The following KLRG2 variants were observed in gnomAD, a reference collection of about 807,000 sequenced individuals.
KLRG2 encodes killer cell lectin like receptor G2, also known as killer cell lectin-like receptor subfamily G member 2.
A neutral mutation model predicts 35.4 loss-of-function variants in KLRG2; 39 were observed. That is an observed-to-expected ratio of 1.10 (90% CI 0.85 to 1.44). KLRG2 has a LOEUF of 1.44. KLRG2 is among the 40% of genes most tolerant of loss of function. The probability of loss-of-function intolerance (pLI) is 0.00; values close to 1 mark genes in which losing one functional copy is unlikely to be tolerated. For synonymous variants in KLRG2, 283 were observed against 265.8 expected (o/e 1.06, Z -0.63); for missense variants, 632 against 570.9 (o/e 1.11, Z -1.09).
intron 3 of KLRG2, among the ~76,000 whole-genome samples, chr7:139,464,305 C>T (rs1411951025): frequency 6.6e-6 from 1 of 152,160 alleles, no homozygotes; most frequent in African/African-American, 2.4e-5. Context: ...GCTTTAGAAG[C>T]CTGTTATTAC....
intron 1 of KLRG2, among the ~76,000 whole-genome samples, chr7:139,482,287 T>G (rs1168656210): frequency 6.6e-6 from 1 of 152,204 alleles, no homozygotes; most frequent in African/African-American, 2.4e-5. Context: ...TGACTTCCCC[T>G]CATCTGGAGT....
chr7:139,459,854 C>T (rs576195974), intron 3 of KLRG2, among the ~76,000 whole-genome samples: 2 of 152,004 alleles, frequency 1.3e-5, no homozygotes, highest in African/African-American at 4.8e-5. Flanking sequence ...CAGGTTCAAG[C>T]GATTCTCCTG....
intron 1 of KLRG2, among the ~76,000 whole-genome samples, chr7:139,482,071 C>T (rs1022908901): frequency 1.2e-4 from 18 of 152,194 alleles, no homozygotes; most frequent in African/African-American, 2.4e-4. Flanking sequence ...GCTCCCCCTC[C>T]CCCACACCAC....
intron 3 of KLRG2, among the ~76,000 whole-genome samples, chr7:139,474,658 G>A (rs996151661): frequency 6.6e-6 from 1 of 152,158 alleles, no homozygotes; most frequent in South Asian, 2.1e-4. Flanking sequence ...CTACTTGGGA[G>A]GCTGAGGCAG....
the KLRG2 span, among the ~76,000 whole-genome samples, chr7:139,430,248 C>A: frequency 6.6e-6 from 1 of 151,766 alleles, no homozygotes; most frequent in Admixed American, 6.6e-5. Flanking sequence ...ACTAAAAATA[C>A]AAAATTAGCC....
chr7:139,438,920 TCC>T, the KLRG2 span, among the ~76,000 whole-genome samples: 103 of 63,102 alleles, frequency 1.6e-3, no homozygotes, highest in African/African-American at 4.5e-3. Context: ...GATGATCCCC[TCC>T]CCCCCCCCAC....
At chr7:139,457,306 A>G (rs2116431864) in intron 3 of KLRG2, among the ~76,000 whole-genome samples, 1 of 152,198 alleles carries the variant, frequency 6.6e-6, no homozygotes, top group East Asian at 1.9e-4. Flanking sequence ...GCGGCCCAAC[A>G]CCGTCTTCCT....
the KLRG2 span, among the ~76,000 whole-genome samples, chr7:139,444,865 C>T: frequency 6.6e-6 from 1 of 152,168 alleles, no homozygotes; most frequent in Non-Finnish European, 1.5e-5. Context: ...AATATGCAGA[C>T]AGCAGTAAAA....
Position 139,474,119 on chromosome 7 carries a change from C to G in KLRG2, c.1005+5508G>C, listed in dbSNP as rs987409960. On this transcript the variant is annotated intron_variant, in intron 3 of 4. Transcript: ENST00000340940. ...GCCACCTCCACCTCCTGGGTTCAAGCAATTCTAGTACCTCAGCCTCCCGAG... is the reference window on the plus strand; with the variant it reads ...GCCACCTCCACCTCCTGGGTTCAAGGAATTCTAGTACCTCAGCCTCCCGAG... Among the ~76,000 whole-genome samples the G allele has an allele frequency of 2.0e-5, 3 of 151,050 alleles. No individual in the cohort carries two copies. In the Admixed American group the frequency reaches 2.0e-4, roughly 10 times the overall value.
chr7:139,477,428 G>A (rs1585176691), intron 3 of KLRG2, among the ~76,000 whole-genome samples: 1 of 152,156 alleles, frequency 6.6e-6, no homozygotes, highest in African/African-American at 2.4e-5. Flanking sequence ...TACAGGCTAC[G>A]ACACGGGTGA....
At chr7:139,429,962 G>C in the KLRG2 span, among the ~76,000 whole-genome samples, 2 of 152,140 alleles carry the variant, frequency 1.3e-5, no homozygotes, top group East Asian at 1.9e-4. Context: ...CCGGGCGGGG[G>C]GCTGACCCCC....
the KLRG2 span, among the ~76,000 whole-genome samples, chr7:139,430,749 C>G: frequency 2.6e-5 from 4 of 151,896 alleles, no homozygotes; most frequent in African/African-American, 9.7e-5. Context: ...TGGCTCACCC[C>G]TCTAATCCCA....
downstream of KLRG2, among the ~76,000 whole-genome samples, chr7:139,449,121 G>A (rs1016671614): frequency 6.7e-6 from 1 of 148,274 alleles, no homozygotes; most frequent in Admixed American, 6.7e-5. Flanking sequence ...AAAAAAAATT[G>A]TTGGGCGTGG....
intron 3 of KLRG2, among the ~76,000 whole-genome samples, chr7:139,456,724 C>T (rs1035084817): frequency 2.0e-5 from 3 of 152,162 alleles, no homozygotes; most frequent in South Asian, 2.1e-4. Context: ...TGGGCTCAAG[C>T]GATGCTCCCA....
rs544490289 is a variant in KLRG2, at chr7:139,456,811, G to A, written c.1006-2597C>T. ...CTGCCTTCTAATGGCTTGCCTCCTT[G>A]TCACTTTCCTGTATTAGTTGGTGAA... is the stretch of plus-strand genomic sequence containing the variant. On this transcript the variant is annotated intron_variant, in intron 3 of 4. Transcript: ENST00000340940. Among the ~76,000 whole-genome samples, 5 of 152,232 alleles carry A rather than the reference G, an allele frequency of 3.3e-5. No individual in the cohort carries two copies. In the East Asian group the frequency reaches 9.6e-4, roughly 29 times the overall value.
downstream of KLRG2, among the ~76,000 whole-genome samples, chr7:139,451,649 C>T (rs1210798391): frequency 6.6e-6 from 1 of 152,176 alleles, no homozygotes; most frequent in Non-Finnish European, 1.5e-5. Flanking sequence ...GATTCCTCTA[C>T]TGCGTGCTGG....
rs1368502143 is a variant in KLRG2 at position 139,468,598 on chromosome 7, A to T, written c.1005+11029T>A. Among the ~76,000 whole-genome samples, 4 of 152,168 alleles carry T rather than the reference A, an allele frequency of 2.6e-5. No individual in the cohort carries two copies. In the East Asian group the frequency reaches 5.8e-4, roughly 22 times the overall value. On this transcript the variant is annotated intron_variant, in intron 3 of 4. Transcript: ENST00000340940. Reference sequence around the variant, plus strand: ...CCGCCTGCACCCAGGTGAAATAAACAGCCTTGTTGCTCACACAAAGCCTGT... The same window carrying T: ...CCGCCTGCACCCAGGTGAAATAAACTGCCTTGTTGCTCACACAAAGCCTGT...
downstream of KLRG2, among the ~76,000 whole-genome samples, chr7:139,451,508 T>C (rs28439248): frequency 2.9e-3 from 428 of 148,658 alleles, 8 homozygotes; most frequent in East Asian, 1.2e-3. Flanking sequence ...CAAAAAAAAA[T>C]TTTTTTTTTT....
At chr7:139,477,206 G>C (rs1326250773) in intron 3 of KLRG2, among the ~76,000 whole-genome samples, 2 of 152,152 alleles carry the variant, frequency 1.3e-5, no homozygotes, top group African/African-American at 4.8e-5. Context: ...ATATGATCCA[G>C]CAATTCTCAC....
Sources: allele counts gnomAD v4.1 joint callset (sites outside exome capture counted in the v4.1 genomes callset), GRCh38; gene constraint gnomAD v4.1.1; transcripts MANE v1.5; gene names NCBI Gene and HGNC (gene_info 2026-07-23, HGNC 2026-07-21).